Variants in MAP2K5 observed in about 807,000 individuals in gnomAD.
MAP2K5 encodes mitogen-activated protein kinase kinase 5, also known as dual specificity mitogen-activated protein kinase kinase 5.
In MAP2K5, 49 loss-of-function variants were observed where a neutral mutation model predicts 83.1. The ratio of observed to expected loss-of-function variants is 0.59; its 90% CI spans 0.47 to 0.75. MAP2K5 has a LOEUF of 0.75. Among genes scored for constraint, MAP2K5 ranks in the 30% least tolerant of loss-of-function variants. MAP2K5 has a pLI of 0.00. For missense variants in MAP2K5, 457 were observed against 557.5 expected, an observed-to-expected ratio of 0.82 and a Z score of 1.82; for synonymous variants, 202 against 191.8, an observed-to-expected ratio of 1.05 and a Z score of -0.44.
rs1357188846 is a variant in MAP2K5, at chr15:67,609,299, A to T, written c.545+8550A>T. On this transcript the variant is annotated intron_variant, in intron 8 of 21. Transcript: ENST00000178640. ...CATGTACAGTCCAGTTGTGAACAAG[A>T]TAGGCAAGGTCCCTATCCAGAACTC... 2.0e-5 allele frequency among the ~76,000 whole-genome samples: 3 copies of T among 152,070 alleles called. 1 individual carries two copies. The highest frequency in any genetic ancestry group is 2.0e-4 in the Admixed American group (3 of 15,268).
chr15:67,614,443 AAG>A (rs1216660703), intron 8 of MAP2K5, among the ~76,000 whole-genome samples: 3 of 152,214 alleles, frequency 2.0e-5, no homozygotes, highest in Admixed American at 6.5e-5. Flanking sequence ...ACGTTGTTTC[AAG>A]AGAGAGTTTC....
intron 17 of MAP2K5, among the ~76,000 whole-genome samples, chr15:67,730,406 C>T (rs1390769298): frequency 6.6e-6 from 1 of 152,198 alleles, no homozygotes; most frequent in Non-Finnish European, 1.5e-5. Context: ...ACTGTTAAAA[C>T]TGTGACTGGT....
intron 19 of MAP2K5, among the ~76,000 whole-genome samples, chr15:67,761,854 G>T (rs1364555182): frequency 6.6e-6 from 1 of 151,936 alleles, no homozygotes; most frequent in Non-Finnish European, 1.5e-5. Context: ...CTTTTAATCA[G>T]CACTTCTGTA....
rs764783302 is a variant in MAP2K5 at position 67,543,484 on chromosome 15, T to G, written c.135+14T>G. The G allele has an allele frequency of 1.2e-6, 2 of 1,613,972 alleles. No individual in the cohort carries two copies. The highest frequency in any genetic ancestry group is 2.2e-5 in the South Asian group (2 of 91,068). On this transcript the variant is annotated intron_variant, in intron 1 of 21. Transcript: ENST00000178640. This position sits in a 1 kb window ranked among gnomAD's most constrained non-coding sequence, Gnocchi z 4.3. ...AGGGATGTGCTGGTGAGTGGTAATC[T>G]CAGTGTCCGGATGCCAGCAAGGGGG...
In MAP2K5 at chr15:67,719,919, T is replaced by C. The variant is rs551335677; in HGVS notation, c.1045-7997T>C. 9.1e-4 allele frequency among the ~76,000 whole-genome samples: 139 copies of C among 152,300 alleles called. No homozygotes were observed. The highest frequency in any genetic ancestry group is 3.3e-3 in the African/African-American group (137 of 41,560). On this transcript the variant is annotated intron_variant, in intron 16 of 21. Coordinates refer to ENST00000178640, the MANE Select transcript of MAP2K5 (RefSeq NM_145160.3). The surrounding 1 kb of genome is among the most constrained non-coding windows in gnomAD (Gnocchi z 4.6). Reference sequence around the variant, plus strand: ...TTTCCTCTCAGTGCACAGAATACCATGGAAAAAGACCTTTGCCATTGTTTT... The same window carrying C: ...TTTCCTCTCAGTGCACAGAATACCACGGAAAAAGACCTTTGCCATTGTTTT...
chr15:67,561,413 TA>T lies in MAP2K5; in HGVS notation c.185-1867del, dbSNP rs1350855548. 6.6e-6 allele frequency among the ~76,000 whole-genome samples: 1 copy of T among 152,190 alleles called. No homozygotes were observed. The highest frequency in any genetic ancestry group is 1.5e-5 in the Non-Finnish European group (1 of 68,034). On this transcript the variant is annotated intron_variant, in intron 2 of 21. Transcript: ENST00000178640. This position sits in a 1 kb window ranked among gnomAD's most constrained non-coding sequence, Gnocchi z 4.2. Reference sequence around the variant, plus strand: ...AATTTGGCTCTAGAGATTCTATATCTAAAGCGAATGAAAGAATCTTTATGTG... The same window carrying T: ...AATTTGGCTCTAGAGATTCTATATCTAAGCGAATGAAAGAATCTTTATGTG...
rs1040285993 is a variant in MAP2K5 at position 67,738,704 on chromosome 15, C to A, written c.1075-9527C>A. 1.3e-5 allele frequency among the ~76,000 whole-genome samples: 2 copies of A among 152,224 alleles called. No individual in the cohort carries two copies. Among genetic ancestry groups the A allele is most frequent in the Admixed American group, 6.5e-5 (1 of 15,290 alleles). On this transcript the variant is annotated intron_variant, in intron 17 of 21. Coordinates refer to ENST00000178640, the MANE Select transcript of MAP2K5 (RefSeq NM_145160.3). The surrounding 1 kb of genome is among the most constrained non-coding windows in gnomAD (Gnocchi z 4.1). ...ATCCACCCACATACACATGTACACA[C>A]AACCACACGAGCAGCTCTGCTTCTA...
intron 13 of MAP2K5, among the ~76,000 whole-genome samples, chr15:67,666,918 G>A (rs1042457815): frequency 2.0e-5 from 3 of 152,196 alleles, no homozygotes; most frequent in Non-Finnish European, 2.9e-5. Context: ...TTATGTCCCA[G>A]TAGTTATGGC....
intron 21 of MAP2K5, among the ~76,000 whole-genome samples, chr15:67,789,156 T>C (rs1206920132): frequency 6.6e-6 from 1 of 152,156 alleles, no homozygotes; most frequent in African/African-American, 2.4e-5. Flanking sequence ...TAGTGAGTCA[T>C]TGAGGTCTTT....
At chr15:67,657,483 C>T (rs2087113289) in intron 11 of MAP2K5, among the ~76,000 whole-genome samples, 1 of 152,040 alleles carries the variant, frequency 6.6e-6, no homozygotes, top group Non-Finnish European at 1.5e-5. Context: ...GCTGTATTCT[C>T]ACTTTTATTA....
Position 67,748,121 on chromosome 15 carries a change from A to G in MAP2K5, c.1075-110A>G, listed in dbSNP as rs2089643888. On this transcript the variant is annotated intron_variant, in intron 17 of 21. Coordinates refer to ENST00000178640, the MANE Select transcript of MAP2K5 (RefSeq NM_145160.3). This position sits in a 1 kb window ranked among gnomAD's most constrained non-coding sequence, Gnocchi z 4.0. ...TTCATTATGTAAATTGTGTTAACAC[A>G]TGCCCACAAATTGCCACCAGCAATG... The G allele has an allele frequency of 2.7e-6, 2 of 740,638 alleles. No individual in the cohort carries two copies. The highest frequency in any genetic ancestry group is 4.9e-6 in the Non-Finnish European group (2 of 411,464). The allele number at this position is 740,638 out of a possible 1,614,324, so 45.9% of individuals were successfully genotyped here.
chr15:67,795,927 C>T (rs1219733373), intron 21 of MAP2K5, among the ~76,000 whole-genome samples: 1 of 152,138 alleles, frequency 6.6e-6, no homozygotes. Flanking sequence ...AATATTGTGT[C>T]TTCATTTCAA....
At chr15:67,627,596 G>A (rs904475005) in intron 8 of MAP2K5, among the ~76,000 whole-genome samples, 1 of 152,056 alleles carries the variant, frequency 6.6e-6, no homozygotes, top group Non-Finnish European at 1.5e-5. Flanking sequence ...CATTTTACTT[G>A]TAAACGATAT....
rs143962299 is a variant in MAP2K5 at position 67,626,202 on chromosome 15, G to T, written c.546-4686G>T. 1.8e-4 allele frequency among the ~76,000 whole-genome samples: 28 copies of T among 152,270 alleles called. No homozygotes were observed. In the East Asian group the frequency reaches 2.9e-3, roughly 16 times the overall value. On this transcript the variant is annotated intron_variant, in intron 8 of 21. Coordinates refer to ENST00000178640, the MANE Select transcript of MAP2K5 (RefSeq NM_145160.3). Reference sequence around the variant, plus strand: ...GTATTATGTTACTTGGATTTACGTGGAATAAACTTACTAATTTCCTTTAAA... The same window carrying T: ...GTATTATGTTACTTGGATTTACGTGTAATAAACTTACTAATTTCCTTTAAA...
At position 67,757,151 on chromosome 15, in the gene MAP2K5, A is replaced by G. The variant is rs529080904; in HGVS notation, c.1134+8550A>G. ...TTTTCCATAATGGCTATACCAATTTACATTCCCATGAACAGTGTATAAGGG... is the reference window on the plus strand; with the variant it reads ...TTTTCCATAATGGCTATACCAATTTGCATTCCCATGAACAGTGTATAAGGG... On this transcript the variant is annotated intron_variant, in intron 19 of 21. Transcript: ENST00000178640. This position sits in a 1 kb window ranked among gnomAD's most constrained non-coding sequence, Gnocchi z 4.9. Among the ~76,000 whole-genome samples the G allele has an allele frequency of 4.5e-4, 69 of 152,214 alleles. No homozygotes were observed. In the South Asian group the frequency reaches 7.9e-3, roughly 17 times the overall value.
At chr15:67,628,114 C>T in intron 8 of MAP2K5, 2 of 791,564 alleles carry the variant, frequency 2.5e-6, no homozygotes, top group Non-Finnish European at 4.4e-6. Flanking sequence ...ACAAAGAGAG[C>T]TGTCTCAAGA....
chr15:67,751,829 T>C (rs1400293482), intron 19 of MAP2K5, among the ~76,000 whole-genome samples: 1 of 152,208 alleles, frequency 6.6e-6, no homozygotes, highest in Admixed American at 6.5e-5. Flanking sequence ...TTACCAACCA[T>C]TTTGCCAGAG....
chr15:67,781,090 G>C lies in MAP2K5; in HGVS notation c.1242+8338G>C, dbSNP rs1028357679. 3.9e-5 allele frequency among the ~76,000 whole-genome samples: 6 copies of C among 152,184 alleles called. No homozygotes were observed. The highest frequency in any genetic ancestry group is 1.4e-4 in the African/African-American group (6 of 41,438). ...GCATGCCACCCACTCCCCAGCTCTT[G>C]GGAATAATGGATTCAGTTGAAAAAG... On this transcript the variant is annotated intron_variant, in intron 21 of 21. Transcript: ENST00000178640. This position sits in a 1 kb window ranked among gnomAD's most constrained non-coding sequence, Gnocchi z 4.0.
At chr15:67,616,923 T>G (rs1466183009) in intron 8 of MAP2K5, among the ~76,000 whole-genome samples, 1 of 152,194 alleles carries the variant, frequency 6.6e-6, no homozygotes, top group Admixed American at 6.5e-5. Context: ...CTCTTTTCAC[T>G]AACCTTCTTT....
Sources: allele counts gnomAD v4.1 joint callset (sites outside exome capture counted in the v4.1 genomes callset), GRCh38; gene constraint gnomAD v4.1.1; non-coding constraint Gnocchi (gnomAD v3.1); transcripts MANE v1.5; gene names NCBI Gene and HGNC (gene_info 2026-07-23, HGNC 2026-07-21).